Variants in ITSN1 observed in about 807,000 individuals in gnomAD.
ITSN1 encodes intersectin 1.
Under a neutral mutation model 239.8 loss-of-function variants are expected in ITSN1, and 58 were observed. The ratio of observed to expected loss-of-function variants is 0.24; its 90% CI spans 0.20 to 0.30. ITSN1 has a LOEUF of 0.30. ITSN1 is among the 10% of genes least tolerant of loss of function. The pLI is 1.00. For missense variants in ITSN1, 1,558 were observed against 2,103.3 expected (o/e 0.74, Z 5.07); for synonymous variants, 780 against 770.8 (o/e 1.01, Z -0.20).
At chr21:33,869,346 C>G (rs1337306226) in intron 33 of ITSN1, among the ~76,000 whole-genome samples, 1 of 152,182 alleles carries the variant, frequency 6.6e-6, no homozygotes, top group Non-Finnish European at 1.5e-5. Flanking sequence ...AAGGGGGAAA[C>G]CCCTTACAAA....
At chr21:33,760,487 C>G (rs1416483721) in intron 8 of ITSN1, among the ~76,000 whole-genome samples, 1 of 152,158 alleles carries the variant, frequency 6.6e-6, no homozygotes, top group Non-Finnish European at 1.5e-5. Context: ...AAAAGTTGAA[C>G]TATTGTCAGT....
chr21:33,662,314 A>G (rs2089621133), intron 1 of ITSN1, among the ~76,000 whole-genome samples: 1 of 152,024 alleles, frequency 6.6e-6, no homozygotes, highest in Non-Finnish European at 1.5e-5. Context: ...ACCTCTTTCC[A>G]TCTATTTTCT....
At chr21:33,887,924 A>C (rs545462449) in intron 39 of ITSN1, among the ~76,000 whole-genome samples, 1 of 148,156 alleles carries the variant, frequency 6.7e-6, no homozygotes, top group East Asian at 2.1e-4. Flanking sequence ...TAATTCTGAG[A>C]GATAAAGGTT....
At chr21:33,735,578 C>A (rs899241568) in intron 5 of ITSN1, 3 of 243,632 alleles carry the variant, frequency 1.2e-5, no homozygotes, top group African/African-American at 2.3e-5. Context: ...TGTGCATAAA[C>A]AATTCCTTTG....
At chr21:33,759,729 T>C (rs2068161085) in intron 8 of ITSN1, among the ~76,000 whole-genome samples, 2 of 152,188 alleles carry the variant, frequency 1.3e-5, no homozygotes, top group African/African-American at 4.8e-5. Context: ...AGGAATGTGT[T>C]CATATATTCA....
intron 4 of ITSN1, among the ~76,000 whole-genome samples, chr21:33,726,017 G>A (rs922347185): frequency 3.9e-5 from 6 of 152,106 alleles, no homozygotes; most frequent in Non-Finnish European, 7.4e-5. Context: ...GTTTTGAGAC[G>A]GAGTCTTGCT....
At position 33,797,344 on chromosome 21, in the gene ITSN1, G is replaced by A. The variant is rs746945405; in HGVS notation, c.1953-35G>A. The A allele has an allele frequency of 9.5e-6, 15 of 1,583,418 alleles. No homozygotes were observed. The South Asian group carries it at 1.3e-4, about 14-fold the overall frequency. ...GCAACAGTAGTGTTAACTTAGAGTT[G>A]CTTTCTTGCTGTAATCAAGCGTGTT... On this transcript the variant is annotated intron_variant, in intron 17 of 39. Transcript: ENST00000381318. This position sits in a 1 kb window ranked among gnomAD's most constrained non-coding sequence, Gnocchi z 4.9.
intron 21 of ITSN1, among the ~76,000 whole-genome samples, chr21:33,813,279 G>C (rs2073037645): frequency 6.6e-6 from 1 of 151,862 alleles, no homozygotes; most frequent in African/African-American, 2.4e-5. Context: ...CACCTCCCAG[G>C]TTCAAGCAAT....
At chr21:33,861,593 G>A (rs780078669) in intron 31 of ITSN1, among the ~76,000 whole-genome samples, 1 of 152,136 alleles carries the variant, frequency 6.6e-6, no homozygotes, top group Non-Finnish European at 1.5e-5. Context: ...GGGCCAGACA[G>A]GTCTAGAACC....
chr21:33,869,451 C>G (rs2148513701), intron 33 of ITSN1, among the ~76,000 whole-genome samples: 1 of 152,348 alleles, frequency 6.6e-6, no homozygotes, highest in African/African-American at 2.4e-5. Context: ...GTCTCTCCCA[C>G]AACATGTGGG....
At position 33,895,552 on chromosome 21, in the gene ITSN1, CAT is replaced by C. The variant is rs891294305; in HGVS notation, c.*7253_*7254del. 10 of 144,356 alleles carry C rather than the reference CAT, an allele frequency of 6.9e-5. No individual in the cohort carries two copies. The highest frequency in any genetic ancestry group is 1.2e-4 in the Non-Finnish European group (8 of 66,298). 8.9% of individuals were successfully genotyped at this position (144,356 alleles called of 1,614,324 possible). On this transcript the variant is annotated 3_prime_UTR_variant, in exon 40 of 40. Coordinates refer to ENST00000381318, the MANE Select transcript of ITSN1 (RefSeq NM_003024.3). ...GTGTGTGTCTACGTGTGTGTGCACGCATGTGTGTGCGTGTATGTGTGCGTGTG... is the reference window on the plus strand; with the variant it reads ...GTGTGTGTCTACGTGTGTGTGCACGCGTGTGTGCGTGTATGTGTGCGTGTG...
chr21:33,842,813 G>C (rs1419434757), intron 29 of ITSN1, among the ~76,000 whole-genome samples: 1 of 152,112 alleles, frequency 6.6e-6, no homozygotes, highest in Non-Finnish European at 1.5e-5. Context: ...TCTGAACTCT[G>C]ACCCAGGAGA....
At chr21:33,837,621 G>T (rs1438547372) in intron 29 of ITSN1, 4 of 985,812 alleles carry the variant, frequency 4.1e-6, no homozygotes, top group East Asian at 1.1e-4. Flanking sequence ...GTGCTTGTTT[G>T]TGTGTATCAG....
intron 1 of ITSN1, 53 bp downstream of exon 1, chr21:33,642,766 G>GGCGGGGGTCGGC (rs1242084332): frequency 4.6e-5 from 7 of 153,032 alleles, no homozygotes; most frequent in African/African-American, 2.4e-5. Context: ...CTGCAGCGGG[G>GGCGGGGGTCGGC]GCGGGGGTCG....
intron 30 of ITSN1, 77 bp downstream of exon 30, chr21:33,856,934 C>A: frequency 7.2e-7 from 1 of 1,394,254 alleles, no homozygotes; most frequent in Non-Finnish European, 1.0e-6. Context: ...TCAAGGAGGT[C>A]TATGTCCTGA....
rs34448559 is a variant in ITSN1 at position 33,883,894 on chromosome 21, GT to G, written c.4676+246del. On this transcript the variant is annotated intron_variant, in intron 36 of 39. Coordinates refer to ENST00000381318, the MANE Select transcript of ITSN1 (RefSeq NM_003024.3). ...ATGGATTCAAACTAATTTTGCTTGAGTTTTTTTTTTTTTTTTTTTTTTTAAG... is the reference window on the plus strand; with the variant it reads ...ATGGATTCAAACTAATTTTGCTTGAGTTTTTTTTTTTTTTTTTTTTTTAAG... Among the ~76,000 whole-genome samples, 326 of 109,778 alleles carry G rather than the reference GT, an allele frequency of 3.0e-3. 2 individuals are homozygous for G. Among genetic ancestry groups the G allele is most frequent in the Admixed American group, 4.9e-3 (49 of 9,924 alleles). 72.0% of individuals were successfully genotyped at this position (109,778 alleles called of 152,430 possible). A position where few individuals can be genotyped will look rare whatever the true frequency, so the allele number is the denominator to read the frequency against.
At chr21:33,855,341 C>T (rs1402185191) in intron 29 of ITSN1, among the ~76,000 whole-genome samples, 1 of 152,242 alleles carries the variant, frequency 6.6e-6, no homozygotes, top group East Asian at 1.9e-4. Flanking sequence ...GCCTGGGGAC[C>T]ACGCTTTGAC....
intron 8 of ITSN1, among the ~76,000 whole-genome samples, chr21:33,758,684 AT>A (rs771987145): frequency 6.6e-6 from 1 of 152,192 alleles, no homozygotes; most frequent in Non-Finnish European, 1.5e-5. Context: ...CTATTTGGTA[AT>A]TCATCTATTA....
At chr21:33,721,464 C>T (rs2065476074) in intron 3 of ITSN1, among the ~76,000 whole-genome samples, 194 bp downstream of exon 3, 1 of 152,132 alleles carries the variant, frequency 6.6e-6, no homozygotes. Flanking sequence ...ATTTTTAGTG[C>T]ATGTCAAACC....
Sources: allele counts gnomAD v4.1 joint callset (sites outside exome capture counted in the v4.1 genomes callset), GRCh38; gene constraint gnomAD v4.1.1; non-coding constraint Gnocchi (gnomAD v3.1); transcripts MANE v1.5; gene names NCBI Gene and HGNC (gene_info 2026-07-23, HGNC 2026-07-21).